The following TNS3 variants were observed in gnomAD, a reference collection of about 807,000 sequenced individuals.
The protein encoded by TNS3 is tensin-3.
TNS3 carries 45 observed loss-of-function variants against 140.9 expected under a neutral mutation model. That is an observed-to-expected ratio of 0.32 (90% CI 0.25 to 0.41). The LOEUF (loss-of-function observed/expected upper bound fraction) is 0.41. Among genes scored for constraint, TNS3 ranks in the 10% least tolerant of loss-of-function variants. TNS3 has a pLI of 1.00. For missense variants in TNS3, 1,716 were observed against 1,906.7 expected, an observed-to-expected ratio of 0.90 and a Z score of 1.86; for synonymous variants, 815 against 788.4, an observed-to-expected ratio of 1.03 and a Z score of -0.56.
At chr7:47,302,903 A>G (rs779128899) in intron 22 of TNS3, 47 bp downstream of exon 22, 1 of 1,546,036 alleles carries the variant, frequency 6.5e-7, no homozygotes, top group Non-Finnish European at 8.7e-7. Flanking sequence ...TCCCTTCCCC[A>G]GTGAATGGAC....
rs1031596289 is a variant in TNS3, at chr7:47,405,503, T to C, written c.724-4589A>G. On this transcript the variant is annotated intron_variant, in intron 13 of 30. Coordinates refer to ENST00000311160, the MANE Select transcript of TNS3 (RefSeq NM_022748.12). Reference sequence around the variant, plus strand: ...CAGGCAGGGCCAACACTAACCATGATTTCTTCACTTGGAGCTGAAAATGAC... The same window carrying C: ...CAGGCAGGGCCAACACTAACCATGACTTCTTCACTTGGAGCTGAAAATGAC... 4 of 702,874 alleles carry C rather than the reference T, an allele frequency of 5.7e-6. No homozygotes were observed. In the African/African-American group the frequency reaches 7.0e-5, roughly 12 times the overall value. 43.5% of individuals were successfully genotyped at this position (702,874 alleles called of 1,614,324 possible).
chr7:47,347,449 C>T (rs1789409919), intron 17 of TNS3, among the ~76,000 whole-genome samples: 1 of 152,164 alleles, frequency 6.6e-6, no homozygotes, highest in African/African-American at 2.4e-5. Context: ...AGCGACAAGA[C>T]ATCAACCCAC....
At position 47,407,294 on chromosome 7, in the gene TNS3, T is replaced by G. The variant is rs1385427724; in HGVS notation, c.723+4433A>C. On this transcript the variant is annotated intron_variant, in intron 13 of 30. Coordinates refer to ENST00000311160, the MANE Select transcript of TNS3 (RefSeq NM_022748.12). This position sits in a 1 kb window ranked among gnomAD's most constrained non-coding sequence, Gnocchi z 4.1. ...CTTCTCTGACACGCTGGAAATCATC[T>G]CTCCCACCTAACCTTTAGCTCTTGC... is the stretch of plus-strand genomic sequence containing the variant. Among the ~76,000 whole-genome samples the G allele has an allele frequency of 1.3e-5, 2 of 152,034 alleles. No individual in the cohort carries two copies. Among genetic ancestry groups the G allele is most frequent in the Non-Finnish European group, 2.9e-5 (2 of 68,016 alleles).
chr7:47,573,331 C>T (rs754416577), intron 1 of TNS3, among the ~76,000 whole-genome samples: 1 of 152,186 alleles, frequency 6.6e-6, no homozygotes, highest in Non-Finnish European at 1.5e-5. Context: ...AGACTCTCTC[C>T]ACCTCCCACC....
intron 16 of TNS3, among the ~76,000 whole-genome samples, chr7:47,383,726 T>C (rs1791910494): frequency 6.6e-6 from 1 of 152,028 alleles, no homozygotes; most frequent in African/African-American, 2.4e-5. Context: ...GACAGGGGAT[T>C]TCTGCAAGGG....
At chr7:47,292,721 T>A in intron 26 of TNS3, 107 bp downstream of exon 26, 1 of 1,027,794 alleles carries the variant, frequency 9.7e-7, no homozygotes, top group Non-Finnish European at 1.4e-6. Flanking sequence ...ACGAAAAAAC[T>A]TCCAGTCTTA....
chr7:47,422,870 CAA>C (rs10711047), intron 10 of TNS3, among the ~76,000 whole-genome samples: 6 of 146,318 alleles, frequency 4.1e-5, no homozygotes, highest in Non-Finnish European at 6.0e-5. Context: ...TTAATGGTTC[CAA>C]AAAAAAACAA....
intron 24 of TNS3, among the ~76,000 whole-genome samples, chr7:47,296,487 T>C (rs1216197666): frequency 6.6e-6 from 1 of 152,212 alleles, no homozygotes; most frequent in Non-Finnish European, 1.5e-5. Flanking sequence ...AATCCTTCTA[T>C]TACAGGTTGG....
intron 2 of TNS3, among the ~76,000 whole-genome samples, chr7:47,528,059 C>T (rs1025449657): frequency 2.0e-5 from 3 of 152,224 alleles, no homozygotes; most frequent in South Asian, 2.1e-4. Flanking sequence ...CCAGGGTGGC[C>T]GGTACCCACC....
chr7:47,375,578 T>C (rs1791331945), intron 16 of TNS3, among the ~76,000 whole-genome samples: 2 of 152,190 alleles, frequency 1.3e-5, no homozygotes, highest in African/African-American at 4.8e-5. Flanking sequence ...TACTGAAACG[T>C]GGCTTTCCCA....
chr7:47,525,369 C>T (rs1052697434), intron 2 of TNS3, among the ~76,000 whole-genome samples: 1 of 152,196 alleles, frequency 6.6e-6, no homozygotes, highest in Non-Finnish European at 1.5e-5. Flanking sequence ...TTGCCAGAAG[C>T]GTGTGAAATT....
intron 1 of TNS3, among the ~76,000 whole-genome samples, chr7:47,570,399 T>G (rs1401481763): frequency 6.6e-6 from 1 of 152,230 alleles, no homozygotes; most frequent in Admixed American, 6.5e-5. Flanking sequence ...CTGGGGACAT[T>G]TGTCATCAAC....
intron 4 of TNS3, among the ~76,000 whole-genome samples, chr7:47,468,839 T>A (rs1796829250): frequency 6.6e-6 from 1 of 152,176 alleles, no homozygotes; most frequent in East Asian, 1.9e-4. Flanking sequence ...AACTTCAAAC[T>A]ATACTACAAG....
chr7:47,573,979 T>G (rs1429055134), intron 1 of TNS3, among the ~76,000 whole-genome samples: 1 of 151,928 alleles, frequency 6.6e-6, no homozygotes, highest in Non-Finnish European at 1.5e-5. Flanking sequence ...ATGGCTGCAC[T>G]TCAAGGACTG....
intron 4 of TNS3, among the ~76,000 whole-genome samples, chr7:47,469,889 G>A (rs1274526462): frequency 1.4e-5 from 2 of 146,118 alleles, no homozygotes; most frequent in Non-Finnish European, 3.0e-5. Flanking sequence ...CAGGAGAATC[G>A]CTTGAGCCCA....
chr7:47,424,242 A>G (rs2151476782), intron 9 of TNS3, 58 bp from the exon 10 acceptor site: 1 of 1,573,038 alleles, frequency 6.4e-7, no homozygotes, highest in Non-Finnish European at 8.7e-7. Flanking sequence ...CCACGTGGGT[A>G]CTTGACGGGG....
intron 3 of TNS3, among the ~76,000 whole-genome samples, chr7:47,499,482 T>G (rs1454894915): frequency 6.6e-6 from 1 of 152,042 alleles, no homozygotes; most frequent in Non-Finnish European, 1.5e-5. Flanking sequence ...CCACCTTGAG[T>G]AGGTGAATGG....
At chr7:47,333,904 G>GC (rs1204571340) in intron 20 of TNS3, among the ~76,000 whole-genome samples, 1 of 152,076 alleles carries the variant, frequency 6.6e-6, no homozygotes, top group Non-Finnish European at 1.5e-5. Context: ...TTTTAAGACT[G>GC]CCCCCAATAC....
At chr7:47,508,444 C>T (rs1334308322) in intron 2 of TNS3, among the ~76,000 whole-genome samples, 1 of 152,176 alleles carries the variant, frequency 6.6e-6, no homozygotes, top group South Asian at 2.1e-4. Context: ...GGCTTCCACA[C>T]AAGATTAAAA....
Sources: gnomAD v4.1 joint callset for allele counts (sites outside exome capture counted in the v4.1 genomes callset) on GRCh38, gnomAD v4.1.1 for gene constraint, Gnocchi (gnomAD v3.1) non-coding constraint, MANE v1.5 for transcripts, NCBI Gene and HGNC (gene_info 2026-07-23, HGNC 2026-07-21) for gene names.